Variants in MET observed in about 807,000 individuals in gnomAD.
MET encodes MET proto-oncogene, receptor tyrosine kinase, also known as hepatocyte growth factor receptor.
In MET, 48 loss-of-function variants were observed where a neutral mutation model predicts 133.1. That is an observed-to-expected ratio of 0.36 (90% CI 0.29 to 0.46). The LOEUF is 0.46. Ranked by LOEUF, MET falls within the 20% of genes least tolerant of loss-of-function variation. MET has a pLI of 1.00. For missense variants in MET, 1,442 were observed against 1,695.9 expected, an observed-to-expected ratio of 0.85 and a Z score of 2.63; for synonymous variants, 628 against 616.5, an observed-to-expected ratio of 1.02 and a Z score of -0.28.
chr7:116,778,731 A>G (rs1795064556), intron 16 of MET, 45 bp from the exon 17 acceptor site: 1 of 1,595,914 alleles, frequency 6.3e-7, no homozygotes, highest in Non-Finnish European at 8.6e-7. Flanking sequence ...AAAAGTATTC[A>G]CTGTTCCATA....
At chr7:116,758,428 A>C (rs2116929420) in intron 8 of MET, 31 bp from the exon 9 acceptor site, 1 of 1,603,266 alleles carries the variant, frequency 6.2e-7, no homozygotes, top group East Asian at 2.2e-5. Flanking sequence ...TCTAATAGCT[A>C]AAATTCACTT....
At chr7:116,679,104 A>G (rs1796260094) in intron 1 of MET, among the ~76,000 whole-genome samples, 1 of 152,200 alleles carries the variant, frequency 6.6e-6, no homozygotes, top group Admixed American at 6.5e-5. Flanking sequence ...CAAGGAAATT[A>G]TTTTGACACA....
chr7:116,724,740 G>A (rs778614607), intron 2 of MET: 13 of 1,079,654 alleles, frequency 1.2e-5, no homozygotes, highest in Admixed American at 4.7e-5. Flanking sequence ...AGAGAATTTC[G>A]AAATCAATTC....
Position 116,731,859 on chromosome 7 carries a change from G to T in MET, c.1392G>T (p.Gln464His). 1 of 1,613,890 alleles carries T rather than the reference G, an allele frequency of 6.2e-7. No individual in the cohort carries two copies. The highest frequency in any genetic ancestry group is 8.5e-7 in the Non-Finnish European group (1 of 1,179,834). The change falls in exon 3 of 21, where the codon CAG becomes CAT. Residue 464 changes from glutamine (Q) to histidine (H), a missense_variant and splice_region_variant. This residue lies in a region of MET where 762 missense variants were observed against 792.4 expected (regional missense o/e 0.96). Coordinates refer to ENST00000397752, the MANE Select transcript of MET (RefSeq NM_000245.4). ...NLGTSEGRFM[Q>H]VVVSRSGPST... is the part of the protein sequence containing the mutation. ...GGACATCAGAGGGTCGCTTCATGCA[G>T]GTAAGTGCTTTCTGAGAGTAGCTGT...
At chr7:116,712,868 GGAGA>G (rs1278480721) in intron 2 of MET, among the ~76,000 whole-genome samples, 3 of 152,172 alleles carry the variant, frequency 2.0e-5, no homozygotes, top group African/African-American at 7.2e-5. Context: ...GTCATTAAAA[GGAGA>G]AAGAGGGAAT....
intron 2 of MET, chr7:116,724,823 G>A (rs1332469617): frequency 7.8e-7 from 1 of 1,289,296 alleles, no homozygotes; most frequent in Admixed American, 2.3e-5. Flanking sequence ...GAGAGCCTAG[G>A]CTTAGTCCTA....
intron 11 of MET, among the ~76,000 whole-genome samples, chr7:116,764,110 A>G (rs1027964777): frequency 2.0e-5 from 3 of 152,078 alleles, no homozygotes; most frequent in Non-Finnish European, 4.4e-5. Context: ...GTTGTAATAT[A>G]GGCTTTCATG....
At chr7:116,700,573 TATTTACACAGATTTTATCAG>T (rs1413175228) in intron 2 of MET, among the ~76,000 whole-genome samples, 12 of 152,356 alleles carry the variant, frequency 7.9e-5, no homozygotes, top group Admixed American at 2.0e-4. Context: ...AGCTTTTTTA[TATTTACACAGATTTTATCAG>T]ATTTACACAG....
chr7:116,783,276 C>G (rs549911000), intron 18 of MET, 28 bp from the exon 19 acceptor site: 2 of 1,613,698 alleles, frequency 1.2e-6, no homozygotes, highest in Non-Finnish European at 1.7e-6. Flanking sequence ...ATTTCAGCCA[C>G]GGGTAATAAT....
chr7:116,705,156 T>C (rs1418283441), intron 2 of MET, among the ~76,000 whole-genome samples: 1 of 152,102 alleles, frequency 6.6e-6, no homozygotes, highest in Admixed American at 6.6e-5. Flanking sequence ...TGTTTCTTTA[T>C]TATGATTATA....
intron 3 of MET, among the ~76,000 whole-genome samples, chr7:116,733,024 C>A (rs2116791682): frequency 6.6e-6 from 1 of 152,198 alleles, no homozygotes; most frequent in South Asian, 2.1e-4. Context: ...CGCCTTTTCT[C>A]CCCCTTTCCT....
rs1412244178 is a variant in MET at position 116,731,605 on chromosome 7, G to T, written c.1201-63G>T. Reference sequence around the variant, plus strand: ...CAGGCTCTGAAAATACACACTGAAAGGTTTCTTACCAGCTTGTTCATGTCT... The same window carrying T: ...CAGGCTCTGAAAATACACACTGAAATGTTTCTTACCAGCTTGTTCATGTCT... On this transcript the variant is annotated intron_variant, in intron 2 of 20. Coordinates refer to ENST00000397752, the MANE Select transcript of MET (RefSeq NM_000245.4). 2.6e-6 allele frequency: 4 copies of T among 1,559,608 alleles called. No homozygotes were observed. In the African/African-American group the frequency reaches 5.4e-5, roughly 21 times the overall value.
At chr7:116,722,299 G>A (rs2116718115) in intron 2 of MET, among the ~76,000 whole-genome samples, 1 of 151,128 alleles carries the variant, frequency 6.6e-6, no homozygotes, top group African/African-American at 2.4e-5. Flanking sequence ...GACTAGGATT[G>A]CAACCCCTGC....
At chr7:116,751,863 C>T (rs1162893477) in intron 5 of MET, among the ~76,000 whole-genome samples, 1 of 152,052 alleles carries the variant, frequency 6.6e-6, no homozygotes, top group Non-Finnish European at 1.5e-5. Flanking sequence ...AGATCGAGAC[C>T]ATCCTGGCTA....
rs1417527868 is a variant in MET, at chr7:116,722,363, G to A, written c.1201-9305G>A. 2.7e-5 allele frequency among the ~76,000 whole-genome samples: 4 copies of A among 150,350 alleles called. No individual in the cohort carries two copies. In the East Asian group the frequency reaches 7.8e-4, roughly 29 times the overall value. On this transcript the variant is annotated intron_variant, in intron 2 of 20. Coordinates refer to ENST00000397752, the MANE Select transcript of MET (RefSeq NM_000245.4). ...CTCTTCCTCCATCCTTTTATTTTGAGCCTATGTGTGTCTCTGCACGTGAGA... is the reference window on the plus strand; with the variant it reads ...CTCTTCCTCCATCCTTTTATTTTGAACCTATGTGTGTCTCTGCACGTGAGA...
chr7:116,677,614 G>A (rs1796205677), intron 1 of MET, among the ~76,000 whole-genome samples: 1 of 152,240 alleles, frequency 6.6e-6, no homozygotes, highest in African/African-American at 2.4e-5. Flanking sequence ...AAGTCTGCAA[G>A]CCAGATTGGG....
intron 2 of MET, among the ~76,000 whole-genome samples, chr7:116,723,216 C>T (rs1403002682): frequency 1.4e-5 from 2 of 147,324 alleles, no homozygotes; most frequent in African/African-American, 5.1e-5. Flanking sequence ...TCCCTTCTCT[C>T]TTCATTTCAT....
At chr7:116,708,355 A>C (rs1342854839) in intron 2 of MET, among the ~76,000 whole-genome samples, 1 of 152,196 alleles carries the variant, frequency 6.6e-6, no homozygotes, top group Non-Finnish European at 1.5e-5. Context: ...TATATAAACT[A>C]ATAGTCATTA....
At chr7:116,701,351 T>C (rs1004131526) in intron 2 of MET, among the ~76,000 whole-genome samples, 1 of 152,196 alleles carries the variant, frequency 6.6e-6, no homozygotes, top group Non-Finnish European at 1.5e-5. Flanking sequence ...AAGGTTATAA[T>C]TGCAATCAGG....
Sources: gnomAD v4.1 joint callset for allele counts (sites outside exome capture counted in the v4.1 genomes callset) on GRCh38, gnomAD v4.1.1 for gene constraint, gnomAD v4.1.1 regional missense constraint, MANE v1.5 for transcripts, NCBI Gene and HGNC (gene_info 2026-07-23, HGNC 2026-07-21) for gene names.